The following KCNH5 variants were observed in gnomAD, a reference collection of about 807,000 sequenced individuals.
KCNH5 encodes voltage-gated delayed rectifier potassium channel KCNH5.
Under a neutral mutation model 96.1 loss-of-function variants are expected in KCNH5, and 46 were observed. The ratio of observed to expected loss-of-function variants is 0.48; its 90% CI spans 0.38 to 0.61. The LOEUF is 0.61. Ranked by LOEUF, KCNH5 falls within the 20% of genes least tolerant of loss-of-function variation. The pLI is 0.00. For missense variants in KCNH5, 907 were observed against 1,225.8 expected (o/e 0.74, Z 3.88); for synonymous variants, 439 against 449.8 (o/e 0.98, Z 0.30).
At chr14:62,968,462 G>A (rs1890344097) in intron 6 of KCNH5, among the ~76,000 whole-genome samples, 1 of 152,242 alleles carries the variant, frequency 6.6e-6, no homozygotes, top group Non-Finnish European at 1.5e-5. Context: ...CCTTAAACAT[G>A]TATGGAAAGC....
At chr14:62,976,283 G>T (rs1425670447) in intron 6 of KCNH5, among the ~76,000 whole-genome samples, 2 of 151,484 alleles carry the variant, frequency 1.3e-5, no homozygotes, top group Admixed American at 1.3e-4. Context: ...AGCGCCTGTA[G>T]TCCCAGCTAC....
intron 6 of KCNH5, among the ~76,000 whole-genome samples, chr14:62,980,540 T>C (rs1890586109): frequency 6.6e-6 from 1 of 152,206 alleles, no homozygotes. Context: ...AAAACCACAA[T>C]TACTTTTGCA....
intron 4 of KCNH5, among the ~76,000 whole-genome samples, chr14:62,990,696 T>G (rs897953260): frequency 1.3e-5 from 2 of 152,056 alleles, no homozygotes; most frequent in African/African-American, 4.8e-5. Context: ...TTGCCAGATC[T>G]TATATTTTCT....
intron 3 of KCNH5, among the ~76,000 whole-genome samples, chr14:63,004,533 T>G (rs1891090351): frequency 6.6e-6 from 1 of 152,322 alleles, no homozygotes; most frequent in South Asian, 2.1e-4. Context: ...TTGGAAAGAC[T>G]TCTGGAAATG....
intron 2 of KCNH5, among the ~76,000 whole-genome samples, chr14:63,008,500 C>T (rs1891168266): frequency 6.6e-6 from 1 of 151,802 alleles, no homozygotes; most frequent in Admixed American, 6.6e-5. Context: ...ATAACACCAA[C>T]CTAAGCAACT....
chr14:62,846,388 G>C (rs981930737), intron 8 of KCNH5, among the ~76,000 whole-genome samples: 4 of 151,922 alleles, frequency 2.6e-5, no homozygotes, highest in Non-Finnish European at 5.9e-5. Flanking sequence ...TAGTGTGAAA[G>C]ATTTTACACT....
intron 2 of KCNH5, among the ~76,000 whole-genome samples, chr14:63,012,266 G>A (rs924200716): frequency 6.6e-6 from 1 of 152,136 alleles, no homozygotes; most frequent in Non-Finnish European, 1.5e-5. Context: ...GTGCAAAGGC[G>A]TGGAAAATGC....
intron 10 of KCNH5, among the ~76,000 whole-genome samples, chr14:62,773,608 G>C (rs979773028): frequency 6.6e-6 from 1 of 152,184 alleles, no homozygotes; most frequent in African/African-American, 2.4e-5. Context: ...TGTCTCATGA[G>C]AAGACGTATA....
intron 7 of KCNH5, among the ~76,000 whole-genome samples, chr14:62,906,229 A>C (rs1466831834): frequency 1.3e-5 from 2 of 152,204 alleles, no homozygotes; most frequent in African/African-American, 4.8e-5. Flanking sequence ...AGTGGAGCTT[A>C]CAGTCTATCT....
In KCNH5 at chr14:62,702,054, T is replaced by C. The variant is rs1175982623; in HGVS notation, c.*5454A>G. 1 of 152,036 alleles carries C rather than the reference T, an allele frequency of 6.6e-6. No homozygotes were observed. Among genetic ancestry groups the C allele is most frequent in the Non-Finnish European group, 1.5e-5 (1 of 67,944 alleles). 9.4% of individuals were successfully genotyped at this position (152,036 alleles called of 1,614,324 possible). A position where few individuals can be genotyped will look rare whatever the true frequency, so the allele number is the denominator to read the frequency against. ...CACTATTAAAAAGAAAAAGAAATTA[T>C]AGAAAAAAAATCCTGAATGACTCTT... On this transcript the variant is annotated 3_prime_UTR_variant, in exon 11 of 11. Coordinates refer to ENST00000322893, the MANE Select transcript of KCNH5 (RefSeq NM_139318.5).
intron 10 of KCNH5, among the ~76,000 whole-genome samples, chr14:62,730,197 A>G (rs1166649200): frequency 6.6e-6 from 1 of 152,202 alleles, no homozygotes; most frequent in Non-Finnish European, 1.5e-5. Context: ...AAGAATACAT[A>G]GTTACTCTAG....
At chr14:62,801,083 C>A (rs1481652326) in intron 9 of KCNH5, among the ~76,000 whole-genome samples, 2 of 152,084 alleles carry the variant, frequency 1.3e-5, no homozygotes, top group African/African-American at 4.8e-5. Context: ...GAACCTGTTT[C>A]CCTATGAAGG....
chr14:63,002,015 G>A (rs1259309468), intron 3 of KCNH5, among the ~76,000 whole-genome samples: 2 of 152,160 alleles, frequency 1.3e-5, no homozygotes, highest in African/African-American at 4.8e-5. Context: ...GGCTTTGACA[G>A]CATCCCCACA....
chr14:62,943,841 G>A (rs947096569), intron 7 of KCNH5, among the ~76,000 whole-genome samples: 5 of 152,132 alleles, frequency 3.3e-5, no homozygotes, highest in African/African-American at 7.2e-5. Context: ...AATGCATGAC[G>A]GTAGATGTAT....
chr14:62,886,223 T>G (rs1461246649), intron 7 of KCNH5, among the ~76,000 whole-genome samples: 1 of 152,182 alleles, frequency 6.6e-6, no homozygotes, highest in Non-Finnish European at 1.5e-5. Flanking sequence ...CAAACATCTC[T>G]AATTGCACAG....
At chr14:62,936,602 G>A (rs141843728) in intron 7 of KCNH5, among the ~76,000 whole-genome samples, 1,973 of 150,358 alleles carry the variant, frequency 0.013, 49 homozygotes, top group African/African-American at 0.046. Flanking sequence ...TTCAACCTGG[G>A]AGGAGGAGGT....
At chr14:62,773,660 T>G (rs117795771) in intron 10 of KCNH5, among the ~76,000 whole-genome samples, 1 of 152,154 alleles carries the variant, frequency 6.6e-6, no homozygotes, top group Non-Finnish European at 1.5e-5. Context: ...ATTTAAATAG[T>G]CAATCTGGAG....
At chr14:62,841,982 G>C (rs1015208155) in intron 8 of KCNH5, among the ~76,000 whole-genome samples, 1 of 152,322 alleles carries the variant, frequency 6.6e-6, no homozygotes, top group Non-Finnish European at 1.5e-5. Flanking sequence ...TAGTATCAGA[G>C]TGATGAGAAA....
At chr14:62,772,306 G>C (rs1473022960) in intron 10 of KCNH5, among the ~76,000 whole-genome samples, 1 of 151,808 alleles carries the variant, frequency 6.6e-6, no homozygotes, top group Admixed American at 6.6e-5. Flanking sequence ...TAATATAAAA[G>C]TATTAATATC....
Sources: gnomAD v4.1 joint callset for allele counts (sites outside exome capture counted in the v4.1 genomes callset) on GRCh38, gnomAD v4.1.1 for gene constraint, MANE v1.5 for transcripts, NCBI Gene and HGNC (gene_info 2026-07-23, HGNC 2026-07-21) for gene names.